Variants in PTPRT observed in about 807,000 individuals in gnomAD.
The protein encoded by PTPRT is protein tyrosine phosphatase receptor type T, also known as receptor-type tyrosine-protein phosphatase T.
In PTPRT, 56 loss-of-function variants were observed where a neutral mutation model predicts 176.8. The observed-to-expected ratio is 0.32, with a 90% CI of 0.26 to 0.40. The LOEUF is 0.40. PTPRT is among the 10% of genes least tolerant of loss of function. The pLI, the probability that PTPRT is intolerant of heterozygous loss-of-function variation, is 1.00. For synonymous variants in PTPRT, 783 were observed against 739.0 expected (o/e 1.06, Z -0.96); for missense variants, 1,540 against 1,908.2 (o/e 0.81, Z 3.60).
At chr20:42,252,510 A>G (rs948110593) in intron 13 of PTPRT, among the ~76,000 whole-genome samples, 20 of 152,306 alleles carry the variant, frequency 1.3e-4, no homozygotes, top group African/African-American at 4.8e-4. Flanking sequence ...AGGAGTGACC[A>G]GACAGGTAGG....
At chr20:42,874,563 C>A (rs187907012) in intron 2 of PTPRT, among the ~76,000 whole-genome samples, 1 of 152,140 alleles carries the variant, frequency 6.6e-6, no homozygotes, top group Admixed American at 6.5e-5. Context: ...TTTAAAATCA[C>A]GTTTCATAAA....
At chr20:43,020,102 G>GTA in intron 1 of PTPRT, among the ~76,000 whole-genome samples, 1 of 127,178 alleles carries the variant, frequency 7.9e-6, no homozygotes, top group East Asian at 2.0e-4. Flanking sequence ...ATGTGTGTGT[G>GTA]TGTGTGTGTA....
At chr20:42,406,212 T>C (rs2058959635) in intron 9 of PTPRT, among the ~76,000 whole-genome samples, 1 of 151,678 alleles carries the variant, frequency 6.6e-6, no homozygotes, top group African/African-American at 2.4e-5. Context: ...TTTAGCGAAG[T>C]AAACAATAAT....
chr20:42,231,547 C>T (rs967540707), intron 15 of PTPRT, among the ~76,000 whole-genome samples: 3 of 152,184 alleles, frequency 2.0e-5, no homozygotes, highest in African/African-American at 7.2e-5. Flanking sequence ...GCCTTATTCA[C>T]TTTTGTGCCT....
At chr20:42,532,010 A>G (rs947220803) in intron 7 of PTPRT, among the ~76,000 whole-genome samples, 1 of 152,162 alleles carries the variant, frequency 6.6e-6, no homozygotes, top group African/African-American at 2.4e-5. Flanking sequence ...TAACAATGTC[A>G]CTGTAGTGTA....
intron 1 of PTPRT, among the ~76,000 whole-genome samples, chr20:43,161,413 A>G (rs1217397859): frequency 6.6e-6 from 1 of 152,212 alleles, no homozygotes; most frequent in African/African-American, 2.4e-5. Flanking sequence ...CATTAATAAA[A>G]ACACAGATGA....
intron 1 of PTPRT, among the ~76,000 whole-genome samples, chr20:42,942,582 G>T (rs552614308): frequency 3.2e-4 from 48 of 152,244 alleles, no homozygotes; most frequent in African/African-American, 1.1e-3. Flanking sequence ...GCTTTATCTC[G>T]TTCTCTCTCG....
At chr20:42,270,455 T>C (rs1183493917) in intron 13 of PTPRT, 1 of 1,539,112 alleles carries the variant, frequency 6.5e-7, no homozygotes, top group South Asian at 1.2e-5. Context: ...CCATTGGTGC[T>C]GACCACAAGG....
chr20:42,586,890 T>C (rs973109412), intron 7 of PTPRT, among the ~76,000 whole-genome samples: 18 of 152,180 alleles, frequency 1.2e-4, no homozygotes, highest in African/African-American at 4.3e-4. Flanking sequence ...AGAACCTTCA[T>C]GCACCAAGCT....
At chr20:42,200,840 T>TG (rs1299678829) in intron 15 of PTPRT, among the ~76,000 whole-genome samples, 4 of 152,192 alleles carry the variant, frequency 2.6e-5, no homozygotes, top group African/African-American at 4.8e-5. Flanking sequence ...AACAGTAGGC[T>TG]TCAAATTCAA....
intron 1 of PTPRT, among the ~76,000 whole-genome samples, chr20:42,990,875 T>C (rs1014827890): frequency 6.6e-6 from 1 of 152,200 alleles, no homozygotes; most frequent in Admixed American, 6.5e-5. Flanking sequence ...TTAGCAGATA[T>C]TGTTTCATAA....
chr20:42,947,871 T>C (rs1980987153), intron 1 of PTPRT, among the ~76,000 whole-genome samples: 1 of 152,142 alleles, frequency 6.6e-6, no homozygotes, highest in Admixed American at 6.5e-5. Flanking sequence ...CCTTCATCCT[T>C]ATCTAGGATG....
At chr20:42,918,898 C>T (rs1978964371) in intron 1 of PTPRT, among the ~76,000 whole-genome samples, 1 of 152,176 alleles carries the variant, frequency 6.6e-6, no homozygotes. Flanking sequence ...CTGTCTCCCT[C>T]TTCTAGTTTC....
chr20:42,647,740 CAG>C (rs2074938687), intron 7 of PTPRT, among the ~76,000 whole-genome samples: 1 of 152,182 alleles, frequency 6.6e-6, no homozygotes, highest in Admixed American at 6.5e-5. Context: ...AACCCGCTAA[CAG>C]GGACAGCGTC....
intron 1 of PTPRT, among the ~76,000 whole-genome samples, chr20:42,977,913 A>C (rs1983043048): frequency 6.6e-6 from 1 of 152,242 alleles, no homozygotes; most frequent in African/African-American, 2.4e-5. Context: ...GAATTATAAT[A>C]GTCCTCCCTT....
intron 6 of PTPRT, among the ~76,000 whole-genome samples, chr20:42,719,304 G>A (rs1047880165): frequency 2.0e-5 from 3 of 152,058 alleles, no homozygotes; most frequent in African/African-American, 7.2e-5. Flanking sequence ...AATATGAAGG[G>A]GTATGGTAGC....
chr20:43,033,016 T>C (rs1986211418), intron 1 of PTPRT, among the ~76,000 whole-genome samples: 1 of 152,204 alleles, frequency 6.6e-6, no homozygotes, highest in African/African-American at 2.4e-5. Flanking sequence ...TCTAGCAGTG[T>C]GTGTGTCTGT....
At position 42,481,827 on chromosome 20, in the gene PTPRT, TATC is replaced by T. The variant is rs1437352286; in HGVS notation, c.1154-9268_1154-9266del. 2.0e-5 allele frequency among the ~76,000 whole-genome samples: 3 copies of T among 151,986 alleles called. No homozygotes were observed. In the East Asian group the frequency reaches 5.8e-4, roughly 30 times the overall value. On this transcript the variant is annotated intron_variant, in intron 7 of 30. Transcript: ENST00000373187. ...ACACGCGCGCATGTATATATATGGT[TATC>T]ATATGTTATTTTGATATATGATATC...
chr20:42,381,009 A>G (rs2058693877), intron 9 of PTPRT, among the ~76,000 whole-genome samples: 1 of 152,014 alleles, frequency 6.6e-6, no homozygotes, highest in Non-Finnish European at 1.5e-5. Context: ...GAGTGGGAGT[A>G]AGGGAGGGAG....
Sources: allele counts gnomAD v4.1 joint callset (sites outside exome capture counted in the v4.1 genomes callset), GRCh38; gene constraint gnomAD v4.1.1; transcripts MANE v1.5; gene names NCBI Gene and HGNC (gene_info 2026-07-23, HGNC 2026-07-21).